NRCAM: variants seen among roughly 807,000 people sequenced by gnomAD.
NRCAM encodes neuronal cell adhesion molecule.
Under a neutral mutation model 156.5 loss-of-function variants are expected in NRCAM, and 83 were observed. The observed-to-expected ratio is 0.53, with a 90% CI of 0.44 to 0.64. The LOEUF (loss-of-function observed/expected upper bound fraction) is 0.64. NRCAM is among the 30% of genes least tolerant of loss of function. The pLI, the probability that NRCAM is intolerant of heterozygous loss-of-function variation, is 0.00. For synonymous variants in NRCAM, 538 were observed against 563.9 expected, an observed-to-expected ratio of 0.95 and a Z score of 0.65; for missense variants, 1,417 against 1,597.3, an observed-to-expected ratio of 0.89 and a Z score of 1.92.
chr7:108,184,139 C>A (rs564455168), intron 22 of NRCAM, 102 bp downstream of exon 22: 1 of 719,338 alleles, frequency 1.4e-6, no homozygotes, highest in Non-Finnish European at 2.2e-6. Context: ...TTTTTTTTCC[C>A]CAGAAATAGG....
At chr7:108,302,607 C>T (rs1021386343) in intron 3 of NRCAM, among the ~76,000 whole-genome samples, 9 of 152,198 alleles carry the variant, frequency 5.9e-5, no homozygotes, top group African/African-American at 2.2e-4. Flanking sequence ...GAGCTACTGT[C>T]CTCCTCAAGG....
chr7:108,432,919 A>G (rs10231001), intron 1 of NRCAM, among the ~76,000 whole-genome samples: 1 of 94,100 alleles, frequency 1.1e-5, no homozygotes, highest in Non-Finnish European at 2.5e-5. Context: ...GAGAAAGAGA[A>G]AGAGAAAGAG....
intron 2 of NRCAM, among the ~76,000 whole-genome samples, chr7:108,398,546 C>T (rs1434362911): frequency 1.3e-5 from 2 of 152,030 alleles, no homozygotes. Flanking sequence ...ACACATATGC[C>T]ATAACTTCTT....
At chr7:108,333,251 T>C (rs973772594) in intron 2 of NRCAM, among the ~76,000 whole-genome samples, 1 of 152,128 alleles carries the variant, frequency 6.6e-6, no homozygotes, top group Non-Finnish European at 1.5e-5. Flanking sequence ...TTCCTACCTC[T>C]TTCTCATCAT....
At chr7:108,340,006 T>C (rs1000854742) in intron 2 of NRCAM, among the ~76,000 whole-genome samples, 2 of 152,196 alleles carry the variant, frequency 1.3e-5, no homozygotes, top group African/African-American at 4.8e-5. Flanking sequence ...TAGACCTCTT[T>C]TGTAGAAAAG....
At chr7:108,439,200 A>C (rs1219230334) in intron 1 of NRCAM, among the ~76,000 whole-genome samples, 1 of 152,180 alleles carries the variant, frequency 6.6e-6, no homozygotes, top group Non-Finnish European at 1.5e-5. Context: ...TATTAGATAC[A>C]ACACCAAAAG....
At position 108,390,891 on chromosome 7, in the gene NRCAM, G is replaced by A. The variant is rs184273653; in HGVS notation, c.-174+8545C>T. Among the ~76,000 whole-genome samples, 61 of 148,768 alleles carry A rather than the reference G, an allele frequency of 4.1e-4. 1 individual carries two copies. The East Asian group carries it at 0.012, about 30-fold the overall frequency. On this transcript the variant is annotated intron_variant, in intron 2 of 32. Transcript: ENST00000379028. ...CATGTAGTTGAGCAGTTTTGAATGA[G>A]TTTCTTAATCCTGAGTTCTAGTTTG...
intron 18 of NRCAM, 23 bp downstream of exon 18, chr7:108,191,706 G>A (rs1441197339): frequency 6.4e-7 from 1 of 1,569,520 alleles, no homozygotes; most frequent in East Asian, 2.3e-5. Flanking sequence ...AGCCAGTTGT[G>A]CTATTTTTGT....
At chr7:108,327,823 T>C (rs187662865) in intron 2 of NRCAM, among the ~76,000 whole-genome samples, 107 of 152,280 alleles carry the variant, frequency 7.0e-4, no homozygotes, top group African/African-American at 2.4e-3. Context: ...GGAATGACAG[T>C]AGATTCTGCT....
At chr7:108,352,139 G>T (rs1024859867) in intron 2 of NRCAM, among the ~76,000 whole-genome samples, 2 of 152,108 alleles carry the variant, frequency 1.3e-5, no homozygotes, top group African/African-American at 4.8e-5. Flanking sequence ...GACCTGAGAT[G>T]ACTTATTTCT....
chr7:108,332,065 AAG>A (rs1418289174), intron 2 of NRCAM, among the ~76,000 whole-genome samples: 1 of 152,204 alleles, frequency 6.6e-6, no homozygotes, highest in Non-Finnish European at 1.5e-5. Flanking sequence ...CCAGGCATCA[AAG>A]AGTGTGTTTC....
intron 1 of NRCAM, among the ~76,000 whole-genome samples, chr7:108,427,204 C>T (rs1286831565): frequency 6.6e-6 from 1 of 152,128 alleles, no homozygotes; most frequent in Non-Finnish European, 1.5e-5. Context: ...CCAGGGATTA[C>T]TTCCTTCCCC....
chr7:108,312,765 G>A (rs1053298375), intron 2 of NRCAM, 34 bp from the exon 3 acceptor site: 5 of 152,074 alleles, frequency 3.3e-5, no homozygotes, highest in African/African-American at 4.8e-5. Context: ...ACGTTAACAC[G>A]ACATTGATTG....
intron 2 of NRCAM, among the ~76,000 whole-genome samples, chr7:108,391,126 C>T (rs896599901): frequency 1.8e-4 from 27 of 152,228 alleles, no homozygotes; most frequent in African/African-American, 6.5e-4. Context: ...CCTGGATATC[C>T]CTATTAACTT....
intron 30 of NRCAM, among the ~76,000 whole-genome samples, chr7:108,162,948 C>A (rs1408846400): frequency 6.6e-6 from 1 of 152,046 alleles, no homozygotes; most frequent in East Asian, 1.9e-4. Context: ...TCAGGACAAT[C>A]TAAAATCACC....
At chr7:108,426,557 C>G (rs1223002415) in intron 1 of NRCAM, among the ~76,000 whole-genome samples, 1 of 152,162 alleles carries the variant, frequency 6.6e-6, no homozygotes, top group African/African-American at 2.4e-5. Flanking sequence ...CCTTATAAAA[C>G]AAGAAGGTCT....
chr7:108,325,176 A>G (rs2099054499), intron 2 of NRCAM, among the ~76,000 whole-genome samples: 1 of 152,078 alleles, frequency 6.6e-6, no homozygotes, highest in African/African-American at 2.4e-5. Context: ...TGGCAACTTC[A>G]GAACCAATGG....
intron 3 of NRCAM, among the ~76,000 whole-genome samples, chr7:108,263,013 A>T (rs538433057): frequency 5.8e-4 from 88 of 152,116 alleles, no homozygotes; most frequent in African/African-American, 1.4e-3. Flanking sequence ...TTCAAGCTTG[A>T]CTTGGGGGAA....
intron 29 of NRCAM, 41 bp from the exon 30 acceptor site, chr7:108,167,114 A>G (rs2054935479): frequency 6.6e-7 from 1 of 1,518,620 alleles, no homozygotes; most frequent in Non-Finnish European, 9.0e-7. Context: ...GAATATTTTA[A>G]GGGACCAGAA....
Sources: gnomAD v4.1 joint callset for allele counts (sites outside exome capture counted in the v4.1 genomes callset) on GRCh38, gnomAD v4.1.1 for gene constraint, MANE v1.5 for transcripts, NCBI Gene and HGNC (gene_info 2026-07-23, HGNC 2026-07-21) for gene names.